HS3ST1: variants seen among roughly 807,000 people sequenced by gnomAD.
HS3ST1 encodes the protein heparan sulfate-glucosamine 3-sulfotransferase 1.
In HS3ST1, 8 loss-of-function variants were observed where a neutral mutation model predicts 20.7. That is an observed-to-expected ratio of 0.39 (90% confidence interval 0.23 to 0.70). HS3ST1 has a LOEUF of 0.70. HS3ST1 is among the 30% of genes least tolerant of loss of function. The pLI is 0.46. For synonymous variants in HS3ST1, 205 were observed against 190.4 expected, an observed-to-expected ratio of 1.08 and a Z score of -0.63; for missense variants, 436 against 423.4, an observed-to-expected ratio of 1.03 and a Z score of -0.26.
At chr4:11,418,861 A>G (rs1341362700) in intron 1 of HS3ST1, among the ~76,000 whole-genome samples, 1 of 152,196 alleles carries the variant, frequency 6.6e-6, no homozygotes, top group Admixed American at 6.5e-5. Context: ...GAGAAAGCAC[A>G]TGGCTCACTG....
chr4:11,393,378 C>G lies in HS3ST1; in HGVS notation c.*5704G>C, dbSNP rs1718054716. 1 of 152,130 alleles carries G rather than the reference C, an allele frequency of 6.6e-6. No homozygotes were observed. Among genetic ancestry groups the G allele is most frequent in the South Asian group, 2.1e-4 (1 of 4,826 alleles). 9.4% of individuals were successfully genotyped at this position (152,130 alleles called of 1,614,324 possible). On this transcript the variant is annotated 3_prime_UTR_variant, in exon 2 of 2. Transcript: ENST00000002596. ...AATTTAACACTTTGCTATTTGCTAGCCAATAAAATAGACTCATTCTCTGCT... is the reference window on the plus strand; with the variant it reads ...AATTTAACACTTTGCTATTTGCTAGGCAATAAAATAGACTCATTCTCTGCT...
chr4:11,425,174 T>C (rs188229672), intron 1 of HS3ST1, among the ~76,000 whole-genome samples: 3 of 152,314 alleles, frequency 2.0e-5, no homozygotes, highest in Admixed American at 6.5e-5. Flanking sequence ...TTATTGAATG[T>C]CTAAGTGCCA....
chr4:11,400,203 T>TA, intron 1 of HS3ST1, 90 bp from the exon 2 acceptor site: 1 of 1,100,526 alleles, frequency 9.1e-7, no homozygotes, highest in South Asian at 2.0e-5. Flanking sequence ...GTGAGGCCTA[T>TA]ATTCACCTCC....
intron 1 of HS3ST1, among the ~76,000 whole-genome samples, chr4:11,427,412 C>T (rs1488080442): frequency 6.6e-6 from 1 of 152,038 alleles, no homozygotes; most frequent in African/African-American, 2.4e-5. Context: ...CTTCCGTTCT[C>T]GGCCACCCTC....
At chr4:11,415,914 C>T (rs189268963) in intron 1 of HS3ST1, among the ~76,000 whole-genome samples, 7 of 152,202 alleles carry the variant, frequency 4.6e-5, no homozygotes, top group East Asian at 1.9e-4. Flanking sequence ...AGTGCTTCTG[C>T]GGAAATGTGT....
At chr4:11,422,244 A>G (rs1215693709) in intron 1 of HS3ST1, among the ~76,000 whole-genome samples, 1 of 152,170 alleles carries the variant, frequency 6.6e-6, no homozygotes, top group African/African-American at 2.4e-5. Context: ...CTTTTCTTAA[A>G]TATTTCTTCC....
intron 1 of HS3ST1, among the ~76,000 whole-genome samples, chr4:11,410,660 A>C (rs999684360): frequency 2.0e-5 from 3 of 152,148 alleles, no homozygotes; most frequent in Admixed American, 6.5e-5. Context: ...TTGGGAGGCC[A>C]AGGCGGGTAG....
chr4:11,416,258 C>A (rs895354473), intron 1 of HS3ST1, among the ~76,000 whole-genome samples: 3 of 152,192 alleles, frequency 2.0e-5, no homozygotes, highest in Non-Finnish European at 2.9e-5. Flanking sequence ...TTCCTAACAA[C>A]CATGACCAAA....
At chr4:11,401,351 T>A (rs1718318701) in intron 1 of HS3ST1, among the ~76,000 whole-genome samples, 1 of 151,262 alleles carries the variant, frequency 6.6e-6, no homozygotes, top group South Asian at 2.1e-4. Context: ...CACCGCCATT[T>A]TTTTTTTTTT....
chr4:11,416,026 T>C (rs564058277), intron 1 of HS3ST1, among the ~76,000 whole-genome samples: 10 of 152,230 alleles, frequency 6.6e-5, no homozygotes, highest in African/African-American at 2.2e-4. Context: ...GCCTTCCTGG[T>C]TGGGGAAGGG....
intron 1 of HS3ST1, among the ~76,000 whole-genome samples, chr4:11,404,031 A>T (rs919232693): frequency 2.6e-5 from 4 of 152,176 alleles, no homozygotes; most frequent in Non-Finnish European, 5.9e-5. Flanking sequence ...TTATCACTCT[A>T]ACCTATAATC....
At chr4:11,400,814 A>G (rs1463530618) in intron 1 of HS3ST1, among the ~76,000 whole-genome samples, 1 of 152,204 alleles carries the variant, frequency 6.6e-6, no homozygotes, top group African/African-American at 2.4e-5. Context: ...ATATGAGCAG[A>G]TGTGACAACG....
Position 11,397,563 on chromosome 4 carries a change from T to G in HS3ST1, c.*1519A>C, listed in dbSNP as rs1718175602. ...AAGAGTTGGGTAAAAACTAAATACATAAATAACCTGTGCTTTGGCTCTGAG... is the reference window on the plus strand; with the variant it reads ...AAGAGTTGGGTAAAAACTAAATACAGAAATAACCTGTGCTTTGGCTCTGAG... On this transcript the variant is annotated 3_prime_UTR_variant, in exon 2 of 2. Transcript: ENST00000002596. 6.6e-6 allele frequency: 1 copy of G among 152,216 alleles called. No individual in the cohort carries two copies. The highest frequency in any genetic ancestry group is 6.5e-5 in the Admixed American group (1 of 15,278). 9.4% of individuals were successfully genotyped at this position (152,216 alleles called of 1,614,324 possible). A position where few individuals can be genotyped will look rare whatever the true frequency, so the allele number is the denominator to read the frequency against.
At chr4:11,427,349 G>C (rs1354655749) in intron 1 of HS3ST1, among the ~76,000 whole-genome samples, 1 of 152,118 alleles carries the variant, frequency 6.6e-6, no homozygotes, top group Non-Finnish European at 1.5e-5. Flanking sequence ...TGGTGGTGGC[G>C]GGGTTTCCCT....
upstream of HS3ST1, among the ~76,000 whole-genome samples, chr4:11,433,825 G>A (rs1711520540): frequency 6.6e-6 from 1 of 152,230 alleles, no homozygotes; most frequent in Non-Finnish European, 1.5e-5. Context: ...GGAGCTCACA[G>A]ATGTGCATTA....
At chr4:11,400,197 G>T in intron 1 of HS3ST1, 84 bp from the exon 2 acceptor site, 1 of 1,194,808 alleles carries the variant, frequency 8.4e-7, no homozygotes, top group Non-Finnish European at 1.1e-6. Context: ...TCTGTAGTGA[G>T]GCCTATATTC....
At chr4:11,415,870 A>G (rs566760908) in intron 1 of HS3ST1, among the ~76,000 whole-genome samples, 15 of 152,336 alleles carry the variant, frequency 9.8e-5, no homozygotes, top group African/African-American at 2.2e-4. Flanking sequence ...CCACTGGTCT[A>G]TGTCACCAAA....
At chr4:11,416,704 T>C (rs1718791516) in intron 1 of HS3ST1, among the ~76,000 whole-genome samples, 1 of 152,228 alleles carries the variant, frequency 6.6e-6, no homozygotes, top group Non-Finnish European at 1.5e-5. Context: ...AAGCATGGGC[T>C]GGCTCTTAAA....
At chr4:11,415,617 T>C (rs571088907) in intron 1 of HS3ST1, among the ~76,000 whole-genome samples, 1 of 152,304 alleles carries the variant, frequency 6.6e-6, no homozygotes, top group East Asian at 1.9e-4. Context: ...GAAAGAAACA[T>C]TCTCCAGTGA....
Sources: gnomAD v4.1 joint callset for allele counts (sites outside exome capture counted in the v4.1 genomes callset) on GRCh38, gnomAD v4.1.1 for gene constraint, MANE v1.5 for transcripts, NCBI Gene and HGNC (gene_info 2026-07-23, HGNC 2026-07-21) for gene names.